CNTN5: variants seen among roughly 807,000 people sequenced by gnomAD.
CNTN5 encodes the protein contactin-5.
In CNTN5, 77 loss-of-function variants were observed where a neutral mutation model predicts 129.1. That is an observed-to-expected ratio of 0.60 (90% CI 0.50 to 0.72). The LOEUF (loss-of-function observed/expected upper bound fraction) is 0.72, where lower values mean the gene tolerates loss of function less well. Among genes scored for constraint, CNTN5 ranks in the 30% least tolerant of loss-of-function variants. The pLI, the probability that CNTN5 is intolerant of heterozygous loss-of-function variation, is 0.00. For synonymous variants in CNTN5, 509 were observed against 465.6 expected, an observed-to-expected ratio of 1.09 and a Z score of -1.20; for missense variants, 1,478 against 1,328.8, an observed-to-expected ratio of 1.11 and a Z score of -1.75.
chr11:99,070,664 G>T (rs2135245825), intron 1 of CNTN5, among the ~76,000 whole-genome samples: 1 of 151,830 alleles, frequency 6.6e-6, no homozygotes, highest in African/African-American at 2.4e-5. Context: ...CACCATGCTG[G>T]CCATTTTTAA....
chr11:99,657,453 C>T (rs555371702), intron 3 of CNTN5, among the ~76,000 whole-genome samples: 2 of 152,078 alleles, frequency 1.3e-5, no homozygotes, highest in Non-Finnish European at 2.9e-5. Flanking sequence ...TCCATGGTAT[C>T]CTTGATTGCT....
chr11:100,170,224 TCAGA>T (rs753242983), intron 13 of CNTN5, among the ~76,000 whole-genome samples: 35 of 152,156 alleles, frequency 2.3e-4, no homozygotes, highest in Admixed American at 3.9e-4. Flanking sequence ...AATAGATTAT[TCAGA>T]CAGATTAAAT....
intron 6 of CNTN5, among the ~76,000 whole-genome samples, chr11:99,854,222 G>A (rs1325266576): frequency 6.6e-6 from 1 of 151,970 alleles, no homozygotes; most frequent in African/African-American, 2.4e-5. Context: ...CTTTACTCCA[G>A]CCCCACTATA....
chr11:99,812,086 A>G (rs956878122), intron 3 of CNTN5, among the ~76,000 whole-genome samples: 2 of 152,120 alleles, frequency 1.3e-5, no homozygotes, highest in Non-Finnish European at 2.9e-5. Context: ...GAAGTCAGTT[A>G]TCACACACTG....
At chr11:100,098,731 C>T (rs1163654562) in intron 13 of CNTN5, among the ~76,000 whole-genome samples, 1 of 152,042 alleles carries the variant, frequency 6.6e-6, no homozygotes, top group Non-Finnish European at 1.5e-5. Flanking sequence ...CTGGGCTTAT[C>T]ATTTGTCTGT....
intron 15 of CNTN5, among the ~76,000 whole-genome samples, chr11:100,220,295 T>G (rs567151960): frequency 1.3e-5 from 2 of 151,284 alleles, no homozygotes; most frequent in Admixed American, 1.3e-4. Context: ...AAAAAAAAAA[T>G]TATCCTCTTG....
chr11:100,048,218 A>C (rs2137721998), intron 9 of CNTN5, among the ~76,000 whole-genome samples: 1 of 152,144 alleles, frequency 6.6e-6, no homozygotes, highest in Middle Eastern at 3.4e-3. Context: ...TTAGAACTAA[A>C]GTTTCTTGGG....
In CNTN5 at chr11:99,357,446, A is replaced by G. The variant is rs1938757329; in HGVS notation, c.-71+31962A>G. Among the ~76,000 whole-genome samples, 3 of 152,102 alleles carry G rather than the reference A, an allele frequency of 2.0e-5. No individual in the cohort carries two copies. The East Asian group carries it at 5.8e-4, about 29-fold the overall frequency. On this transcript the variant is annotated intron_variant, in intron 2 of 24. Coordinates refer to ENST00000524871, the MANE Select transcript of CNTN5 (RefSeq NM_014361.4). The stretch of plus-strand genomic sequence containing the variant: ...AATATTATATACTTGAAATTACAGA[A>G]CTCCTTTGCAAGCTTGAAAACACAC...
At chr11:99,703,323 GTTGAGTT>G (rs1353104700) in intron 3 of CNTN5, among the ~76,000 whole-genome samples, 2 of 149,332 alleles carry the variant, frequency 1.3e-5, no homozygotes, top group African/African-American at 4.9e-5. Context: ...TTATCTAGAG[GTTGAGTT>G]TTGTTAAGTT....
intron 6 of CNTN5, among the ~76,000 whole-genome samples, chr11:99,858,806 A>T: frequency 6.6e-6 from 1 of 152,074 alleles, no homozygotes; most frequent in Non-Finnish European, 1.5e-5. Flanking sequence ...CACGATTTTT[A>T]AAAATGTCAG....
At chr11:99,189,733 A>T (rs1031082037) in intron 1 of CNTN5, among the ~76,000 whole-genome samples, 5 of 151,554 alleles carry the variant, frequency 3.3e-5, no homozygotes, top group Non-Finnish European at 5.9e-5. Context: ...TATGTATTCT[A>T]GTCCACATTT....
intron 13 of CNTN5, among the ~76,000 whole-genome samples, chr11:100,164,635 G>T (rs937018570): frequency 6.6e-6 from 1 of 151,654 alleles, no homozygotes; most frequent in Admixed American, 6.6e-5. Flanking sequence ...TAGTACTATA[G>T]TTGTATTTCA....
intron 3 of CNTN5, among the ~76,000 whole-genome samples, chr11:99,794,178 G>C (rs1416407128): frequency 9.5e-6 from 1 of 104,842 alleles, no homozygotes; most frequent in African/African-American, 3.1e-5. Flanking sequence ...GTCCTTCTTT[G>C]TCTTTTTTTT....
intron 23 of CNTN5, among the ~76,000 whole-genome samples, chr11:100,342,526 T>C (rs1952188599): frequency 1.3e-5 from 2 of 152,030 alleles, no homozygotes; most frequent in Non-Finnish European, 2.9e-5. Context: ...AATAGAGAAA[T>C]ACTATATAAC....
At chr11:99,950,873 T>A (rs1484890309) in intron 7 of CNTN5, among the ~76,000 whole-genome samples, 2 of 152,178 alleles carry the variant, frequency 1.3e-5, no homozygotes, top group African/African-American at 4.8e-5. Context: ...TGATAAAATA[T>A]AGGCTTAGAG....
chr11:99,823,505 G>GA (rs1168387070), intron 4 of CNTN5, among the ~76,000 whole-genome samples: 3 of 151,164 alleles, frequency 2.0e-5, no homozygotes, highest in Admixed American at 2.0e-4. Context: ...ATGCTACAGA[G>GA]AAAATCTGAA....
intron 3 of CNTN5, among the ~76,000 whole-genome samples, chr11:99,657,668 G>A (rs1342314665): frequency 2.0e-5 from 3 of 151,926 alleles, no homozygotes; most frequent in Non-Finnish European, 2.9e-5. Context: ...TTAGGTACTT[G>A]ACAAGTTGCA....
intron 1 of CNTN5, chr11:99,120,187 A>C (rs897372721): frequency 2.6e-5 from 4 of 152,086 alleles, no homozygotes; most frequent in African/African-American, 9.7e-5. Flanking sequence ...TTTCTCATGA[A>C]ATCTGGGTGT....
chr11:99,640,736 G>A (rs184523639), intron 3 of CNTN5, among the ~76,000 whole-genome samples: 47 of 152,312 alleles, frequency 3.1e-4, no homozygotes, highest in African/African-American at 1.0e-3. Context: ...TATAGTCTAA[G>A]TATGTAGTAA....
Sources: allele counts gnomAD v4.1 joint callset (sites outside exome capture counted in the v4.1 genomes callset), GRCh38; gene constraint gnomAD v4.1.1; transcripts MANE v1.5; gene names NCBI Gene and HGNC (gene_info 2026-07-23, HGNC 2026-07-21).